Variants in POLR2B observed in about 807,000 individuals in gnomAD.
POLR2B encodes the protein RNA polymerase II subunit B, also known as DNA-directed RNA polymerase II subunit RPB2.
A neutral mutation model predicts 144.6 loss-of-function variants in POLR2B; 57 were observed. The ratio of observed to expected loss-of-function variants is 0.39; its 90% CI spans 0.32 to 0.49. The LOEUF (loss-of-function observed/expected upper bound fraction) is 0.49. POLR2B is among the 20% of genes least tolerant of loss of function. The probability of loss-of-function intolerance (pLI) is 0.83; values close to 1 mark genes in which losing one functional copy is unlikely to be tolerated. For synonymous variants in POLR2B, 442 were observed against 469.8 expected, an observed-to-expected ratio of 0.94 and a Z score of 0.77; for missense variants, 595 against 1,467.4, an observed-to-expected ratio of 0.41 and a Z score of 9.71.
At chr4:57,022,057 C>T in intron 17 of POLR2B, 95 bp from the exon 18 acceptor site, 1 of 678,088 alleles carries the variant, frequency 1.5e-6, no homozygotes. Flanking sequence ...TTTAAATTGT[C>T]TCCCAAATTT....
At chr4:56,989,850 G>A (rs1297126493) in intron 2 of POLR2B, among the ~76,000 whole-genome samples, 2 of 152,146 alleles carry the variant, frequency 1.3e-5, no homozygotes, top group African/African-American at 2.4e-5. Flanking sequence ...CCTCTTGCAC[G>A]TGTATCTACT....
chr4:57,010,332 G>C, intron 10 of POLR2B, 29 bp from the exon 11 acceptor site: 1 of 1,608,168 alleles, frequency 6.2e-7, no homozygotes, highest in Non-Finnish European at 8.5e-7. Flanking sequence ...GAAATGTCCA[G>C]ACTTTAAAGA....
intron 1 of POLR2B, among the ~76,000 whole-genome samples, chr4:56,984,972 T>A (rs1722272571): frequency 6.6e-6 from 1 of 152,232 alleles, no homozygotes; most frequent in South Asian, 2.1e-4. Flanking sequence ...GTTAGGATTT[T>A]GGACAGGGCA....
intron 14 of POLR2B, among the ~76,000 whole-genome samples, chr4:57,016,272 T>C (rs1487320650): frequency 1.3e-5 from 2 of 151,996 alleles, no homozygotes; most frequent in African/African-American, 4.8e-5. Flanking sequence ...ATTGCCCAGG[T>C]GTAGTGGCTC....
rs1267608912 is a variant in POLR2B, at chr4:57,013,385, GTCTCTCTA to G, written c.1801-2103_1801-2096del. 6.3e-5 allele frequency among the ~76,000 whole-genome samples: 9 copies of G among 141,830 alleles called. No homozygotes were observed. The East Asian group carries it at 1.2e-3, about 18-fold the overall frequency. The allele number at this position is 141,830 out of a possible 152,430, so 93.0% of individuals were successfully genotyped here. A position where few individuals can be genotyped will look rare whatever the true frequency, so the allele number is the denominator to read the frequency against. On this transcript the variant is annotated intron_variant, in intron 13 of 24. Coordinates refer to ENST00000314595, the MANE Select transcript of POLR2B (RefSeq NM_000938.3). Reference sequence around the variant, plus strand: ...AAAGCTCAAAAAAATGTCTCTCTCTGTCTCTCTATCTCTCTATCTCTGTATTTTTTAAT... The same window carrying G: ...AAAGCTCAAAAAAATGTCTCTCTCTGTCTCTCTATCTCTGTATTTTTTAAT...
chr4:57,019,030 G>T (rs756428381), intron 16 of POLR2B, among the ~76,000 whole-genome samples: 7 of 152,162 alleles, frequency 4.6e-5, no homozygotes, highest in Non-Finnish European at 8.8e-5. Context: ...TTTATCTTTA[G>T]TGTATTGTAA....
intron 1 of POLR2B, among the ~76,000 whole-genome samples, chr4:56,984,917 T>G (rs1157779442): frequency 6.6e-6 from 1 of 152,136 alleles, no homozygotes; most frequent in African/African-American, 2.4e-5. Flanking sequence ...ACGCTAAAAT[T>G]TAGCTACTTA....
At chr4:56,994,939 AAAAAAAAGAAAG>A (rs1010383358) in intron 5 of POLR2B, 73 bp downstream of exon 5, 60 of 781,504 alleles carry the variant, frequency 7.7e-5, no homozygotes, top group Non-Finnish European at 1.1e-4. Flanking sequence ...TGAAAAAAAA[AAAAAAAAGAAAG>A]AAAGATTTTC....
chr4:56,980,581 G>A (rs1010154504), intron 1 of POLR2B, among the ~76,000 whole-genome samples: 4 of 152,074 alleles, frequency 2.6e-5, no homozygotes, highest in African/African-American at 9.7e-5. Context: ...TTAGCTGGGC[G>A]TGGTCTTGCT....
chr4:57,028,560 C>T (rs971365897), intron 23 of POLR2B, among the ~76,000 whole-genome samples: 3 of 152,230 alleles, frequency 2.0e-5, no homozygotes, highest in Admixed American at 6.5e-5. Flanking sequence ...TGGCTTTTCT[C>T]CCCTTCACTT....
chr4:56,987,872 ACT>A (rs1722379909), intron 2 of POLR2B, among the ~76,000 whole-genome samples: 1 of 150,636 alleles, frequency 6.6e-6, no homozygotes, highest in Admixed American at 6.6e-5. Context: ...GCAGAGTGAG[ACT>A]CTGTCTCAAA....
chr4:57,020,514 A>G (rs1723508760), intron 16 of POLR2B, among the ~76,000 whole-genome samples: 1 of 152,188 alleles, frequency 6.6e-6, no homozygotes, highest in African/African-American at 2.4e-5. Flanking sequence ...TTTTGGGATC[A>G]TGGGTAGATT....
intron 7 of POLR2B, 92 bp from the exon 8 acceptor site, chr4:57,005,154 G>T (rs1037946273): frequency 1.6e-6 from 1 of 639,386 alleles, no homozygotes; most frequent in South Asian, 3.1e-5. Context: ...GTTCATAGGG[G>T]TACTTGGCAT....
At chr4:56,981,602 A>G (rs1341913008) in intron 1 of POLR2B, among the ~76,000 whole-genome samples, 1 of 152,220 alleles carries the variant, frequency 6.6e-6, no homozygotes, top group Admixed American at 6.5e-5. Flanking sequence ...TTTATTGCCC[A>G]TGTCCTCTGA....
chr4:57,010,527 C>A (rs376599273), intron 11 of POLR2B, 23 bp downstream of exon 11: 757 of 1,596,592 alleles, frequency 4.7e-4, no homozygotes, highest in Non-Finnish European at 5.9e-4. Flanking sequence ...AATTTACATT[C>A]AGGACAAAAA....
At chr4:57,011,881 C>A (rs1723199063) in intron 13 of POLR2B, among the ~76,000 whole-genome samples, 2 of 152,096 alleles carry the variant, frequency 1.3e-5, no homozygotes, top group Non-Finnish European at 2.9e-5. Context: ...AATTTTGGCA[C>A]ATTTTAAATT....
At chr4:56,983,662 G>T (rs563844102) in intron 1 of POLR2B, among the ~76,000 whole-genome samples, 9 of 151,976 alleles carry the variant, frequency 5.9e-5, no homozygotes, top group Non-Finnish European at 8.8e-5. Flanking sequence ...GAGCCACTGC[G>T]CCCGGCCAGC....
Position 57,016,934 on chromosome 4 carries a change from TATATA to T in POLR2B, c.1956-104_1956-100del, listed in dbSNP as rs1723387625. The stretch of plus-strand genomic sequence containing the variant: ...TATATAAATATATATGTATATTTAA[TATATA>T]ATATTAAACTTATTTAAATATAAAT... On this transcript the variant is annotated intron_variant, in intron 14 of 24. Coordinates refer to ENST00000314595, the MANE Select transcript of POLR2B (RefSeq NM_000938.3). The T allele has an allele frequency of 2.4e-5, 7 of 285,996 alleles. No individual in the cohort carries two copies. The Admixed American group carries it at 3.7e-4, about 15-fold the overall frequency. 17.7% of individuals were successfully genotyped at this position (285,996 alleles called of 1,614,324 possible).
chr4:56,987,512 A>G (rs956941502), intron 2 of POLR2B, among the ~76,000 whole-genome samples: 1 of 152,132 alleles, frequency 6.6e-6, no homozygotes, highest in Non-Finnish European at 1.5e-5. Flanking sequence ...TTTGGTCAAC[A>G]TTCTCTCTTT....
Sources: allele counts gnomAD v4.1 joint callset (sites outside exome capture counted in the v4.1 genomes callset), GRCh38; gene constraint gnomAD v4.1.1; transcripts MANE v1.5; gene names NCBI Gene and HGNC (gene_info 2026-07-23, HGNC 2026-07-21).